EPC1: variants seen among roughly 807,000 people sequenced by gnomAD.
The protein encoded by EPC1 is enhancer of polycomb homolog 1.
A neutral mutation model predicts 98.4 loss-of-function variants in EPC1; 12 were observed. The observed-to-expected ratio is 0.12, with a 90% CI of 0.08 to 0.20. The LOEUF (loss-of-function observed/expected upper bound fraction) is 0.20. Ranked by LOEUF, EPC1 falls within the 10% of genes least tolerant of loss-of-function variation. EPC1 has a pLI of 1.00. For missense variants in EPC1, 729 were observed against 990.5 expected (o/e 0.74, Z 3.54); for synonymous variants, 357 against 363.9 (o/e 0.98, Z 0.21).
intron 2 of EPC1, among the ~76,000 whole-genome samples, chr10:32,305,115 G>A (rs922957525): frequency 5.9e-5 from 9 of 152,182 alleles, no homozygotes; most frequent in African/African-American, 2.2e-4. Flanking sequence ...AACGATCACT[G>A]CTTATGAAGA....
At chr10:32,373,911 G>T (rs1038942607) in intron 1 of EPC1, among the ~76,000 whole-genome samples, 4 of 152,078 alleles carry the variant, frequency 2.6e-5, no homozygotes, top group Non-Finnish European at 5.9e-5. Flanking sequence ...TATCAGTAGG[G>T]TTCTATGTTA....
chr10:32,337,898 A>C (rs1269387646), intron 1 of EPC1, among the ~76,000 whole-genome samples: 1 of 152,192 alleles, frequency 6.6e-6, no homozygotes, highest in Non-Finnish European at 1.5e-5. Flanking sequence ...TCATCTTCTC[A>C]GTGGACATAG....
At chr10:32,280,370 T>C (rs1836342543) in intron 10 of EPC1, among the ~76,000 whole-genome samples, 1 of 151,900 alleles carries the variant, frequency 6.6e-6, no homozygotes, top group South Asian at 2.1e-4. Flanking sequence ...GAGAATCACT[T>C]GAAGCCAGCA....
chr10:32,348,678 A>G (rs1839013177), upstream of EPC1, among the ~76,000 whole-genome samples: 1 of 152,200 alleles, frequency 6.6e-6, no homozygotes, highest in Non-Finnish European at 1.5e-5. Context: ...TATTCATTCA[A>G]TGAGTATTGA....
chr10:32,347,330 C>G, upstream of EPC1: 1 of 433,096 alleles, frequency 2.3e-6, no homozygotes, highest in East Asian at 1.3e-4. Context: ...TCCGGGCCCC[C>G]GCCCTTCGCG....
intron 1 of EPC1, among the ~76,000 whole-genome samples, chr10:32,355,623 T>G (rs904420211): frequency 1.0e-4 from 10 of 96,966 alleles, no homozygotes; most frequent in Admixed American, 2.1e-4. Context: ...TTTTTTTTTT[T>G]TTTTTTTTTT....
rs58729377 is a variant in EPC1 at position 32,278,371 on chromosome 10, G to GTTTTTTTTTT, written c.1745-5100_1745-5091dup. On this transcript the variant is annotated intron_variant, in intron 10 of 13. Transcript: ENST00000319778. Reference sequence around the variant, plus strand: ...AAAATGTATACTTTGGTTTTTTTTTGTTTTTTTTTTTTTGTTTTTTTTTTT... The same window carrying GTTTTTTTTTT: ...AAAATGTATACTTTGGTTTTTTTTTGTTTTTTTTTTTTTTTTTTTTTTTGTTTTTTTTTTT... Among the ~76,000 whole-genome samples the GTTTTTTTTTT allele has an allele frequency of 2.0e-3, 203 of 102,564 alleles. 2 individuals are homozygous for GTTTTTTTTTT. The highest frequency in any genetic ancestry group is 2.8e-3 in the Non-Finnish European group (147 of 52,688). The allele number at this position is 102,564 out of a possible 152,430, so 67.3% of individuals were successfully genotyped here. A position where few individuals can be genotyped will look rare whatever the true frequency, so the allele number is the denominator to read the frequency against.
At chr10:32,285,127 C>G in intron 9 of EPC1, 77 bp from the exon 10 acceptor site, 2 of 1,151,946 alleles carry the variant, frequency 1.7e-6, no homozygotes, top group Non-Finnish European at 2.4e-6. Flanking sequence ...TTTCTTTTTA[C>G]CCCCAACTGC....
At chr10:32,323,483 C>A (rs1025666945) in intron 1 of EPC1, among the ~76,000 whole-genome samples, 4 of 152,048 alleles carry the variant, frequency 2.6e-5, no homozygotes. Context: ...TATTGTATAA[C>A]ATGGTGTAAG....
intron 1 of EPC1, among the ~76,000 whole-genome samples, chr10:32,324,870 G>A (rs1327053524): frequency 6.6e-6 from 1 of 152,102 alleles, no homozygotes; most frequent in African/African-American, 2.4e-5. Flanking sequence ...GCTGGAGCCT[G>A]TAGTCCCAGC....
At chr10:32,288,916 T>C (rs1423166481) in intron 6 of EPC1, among the ~76,000 whole-genome samples, 1 of 151,952 alleles carries the variant, frequency 6.6e-6, no homozygotes, top group Non-Finnish European at 1.5e-5. Context: ...GATGAAACCC[T>C]GTCTCTACTA....
chr10:32,303,258 C>T (rs1835679162), intron 2 of EPC1, among the ~76,000 whole-genome samples: 1 of 152,054 alleles, frequency 6.6e-6, no homozygotes, highest in African/African-American at 2.4e-5. Context: ...GCTGGGACTG[C>T]ACCACTGCAC....
chr10:32,305,540 C>A (rs1835829910), intron 2 of EPC1, among the ~76,000 whole-genome samples: 2 of 150,928 alleles, frequency 1.3e-5, no homozygotes, highest in East Asian at 3.9e-4. Context: ...ACTAAAGCAG[C>A]ATAAGATTGT....
At chr10:32,322,129 G>A (rs999987302) in intron 1 of EPC1, among the ~76,000 whole-genome samples, 2 of 149,810 alleles carry the variant, frequency 1.3e-5, no homozygotes, top group African/African-American at 4.9e-5. Flanking sequence ...GCCAAGACCA[G>A]GTACAGATGC....
intron 13 of EPC1, among the ~76,000 whole-genome samples, chr10:32,271,352 G>A (rs888672098): frequency 6.6e-6 from 1 of 152,170 alleles, no homozygotes; most frequent in Non-Finnish European, 1.5e-5. Context: ...CACTATACCA[G>A]TTAGTTCAAA....
At chr10:32,369,485 C>A (rs973335011) in intron 1 of EPC1, among the ~76,000 whole-genome samples, 2 of 152,054 alleles carry the variant, frequency 1.3e-5, no homozygotes, top group African/African-American at 4.8e-5. Context: ...TGTGTTCCAA[C>A]CAAAACCACT....
chr10:32,360,681 G>A lies in EPC1; in HGVS notation c.3+17810C>T, dbSNP rs540326196. On this transcript the variant is annotated intron_variant, in intron 1 of 13. Coordinates refer to the EPC1 transcript ENST00000375110. The stretch of plus-strand genomic sequence containing the variant: ...GGCCAAGGTGGGTGGATCACCTGAG[G>A]CCGGAAGTTCGAGACCAGCTTGGCT... Among the ~76,000 whole-genome samples, 8 of 152,240 alleles carry A rather than the reference G, an allele frequency of 5.3e-5. No homozygotes were observed. The East Asian group carries it at 1.5e-3, about 29-fold the overall frequency.
chr10:32,350,772 G>A (rs1839088789), upstream of EPC1, among the ~76,000 whole-genome samples: 1 of 152,158 alleles, frequency 6.6e-6, no homozygotes, highest in African/African-American at 2.4e-5. Flanking sequence ...TATGCCAAAG[G>A]CAACTGCTCT....
intron 10 of EPC1, chr10:32,274,041 A>T (rs1361037550): frequency 6.6e-6 from 1 of 151,796 alleles, no homozygotes; most frequent in Non-Finnish European, 1.5e-5. Flanking sequence ...GCTCAGTTCT[A>T]AAAAAAACAA....
Sources: allele counts gnomAD v4.1 joint callset (sites outside exome capture counted in the v4.1 genomes callset), GRCh38; gene constraint gnomAD v4.1.1; transcripts MANE v1.5; gene names NCBI Gene and HGNC (gene_info 2026-07-23, HGNC 2026-07-21).